Variants in TECRL observed in about 807,000 individuals in gnomAD.
The protein encoded by TECRL is trans-2,3-enoyl-CoA reductase-like.
In TECRL, 63 loss-of-function variants were observed where a neutral mutation model predicts 52.8. That is an observed-to-expected ratio of 1.19 (90% CI 0.97 to 1.47). The LOEUF is 1.47. TECRL is among the 40% of genes most tolerant of loss of function. The pLI is 0.00. For synonymous variants in TECRL, 164 were observed against 141.9 expected, an observed-to-expected ratio of 1.16 and a Z score of -1.10; for missense variants, 482 against 429.6, an observed-to-expected ratio of 1.12 and a Z score of -1.08.
chr4:64,402,456 A>G (rs994180653), intron 1 of TECRL, among the ~76,000 whole-genome samples: 1 of 151,988 alleles, frequency 6.6e-6, no homozygotes, highest in Non-Finnish European at 1.5e-5. Context: ...ACTCCTAACT[A>G]TTGGATTATA....
intron 2 of TECRL, among the ~76,000 whole-genome samples, chr4:64,344,621 T>C (rs1040447982): frequency 6.6e-6 from 1 of 152,300 alleles, no homozygotes; most frequent in Middle Eastern, 3.4e-3. Flanking sequence ...AAAGTGTAAT[T>C]TAAAATTAAG....
chr4:64,332,566 A>G (rs1304166787), intron 2 of TECRL, among the ~76,000 whole-genome samples: 1 of 152,228 alleles, frequency 6.6e-6, no homozygotes, highest in Non-Finnish European at 1.5e-5. Context: ...AAAAGGTATT[A>G]TAGAGATTCA....
intron 9 of TECRL, among the ~76,000 whole-genome samples, chr4:64,286,119 CA>C (rs1209341143): frequency 6.6e-6 from 1 of 151,724 alleles, no homozygotes; most frequent in African/African-American, 2.4e-5. Context: ...CATTTGCAGA[CA>C]AAAACTAACC....
chr4:64,407,446 A>T (rs1724805991), intron 1 of TECRL, among the ~76,000 whole-genome samples: 1 of 151,924 alleles, frequency 6.6e-6, no homozygotes, highest in African/African-American at 2.4e-5. Context: ...ATAAGAAAAA[A>T]TTTAAATGTG....
At chr4:64,295,259 T>C (rs1030268828) in intron 8 of TECRL, among the ~76,000 whole-genome samples, 1 of 151,354 alleles carries the variant, frequency 6.6e-6, no homozygotes, top group Non-Finnish European at 1.5e-5. Flanking sequence ...AGTTCAGATA[T>C]TGCATTTATA....
rs938958964 is a variant in TECRL at position 64,298,292 on chromosome 4, T to C, written c.774+1682A>G. On this transcript the variant is annotated intron_variant, in intron 8 of 11. Coordinates refer to ENST00000381210, the MANE Select transcript of TECRL (RefSeq NM_001010874.5). ...CTATTACACCATCTATCAGTGTTTG[T>C]CTAATTTAGCATCTTTGGGTTTATT... 4.6e-5 allele frequency among the ~76,000 whole-genome samples: 7 copies of C among 151,258 alleles called. No homozygotes were observed. In the East Asian group the frequency reaches 1.3e-3, roughly 29 times the overall value.
intron 1 of TECRL, among the ~76,000 whole-genome samples, chr4:64,388,824 G>A (rs1033693212): frequency 6.6e-5 from 10 of 151,728 alleles, no homozygotes; most frequent in Non-Finnish European, 1.2e-4. Flanking sequence ...TATAAATAAT[G>A]TGAATATGCA....
chr4:64,386,622 C>T (rs1723194113), intron 1 of TECRL, among the ~76,000 whole-genome samples: 1 of 152,018 alleles, frequency 6.6e-6, no homozygotes, highest in Non-Finnish European at 1.5e-5. Flanking sequence ...GTCTTTTAAG[C>T]TCTATTTTTA....
intron 1 of TECRL, among the ~76,000 whole-genome samples, chr4:64,398,005 A>G (rs576076328): frequency 1.4e-5 from 2 of 143,472 alleles, no homozygotes; most frequent in African/African-American, 2.5e-5. Flanking sequence ...TTCCCCAAAC[A>G]CTGTTTATAA....
chr4:64,381,972 T>C (rs1244143094), intron 1 of TECRL, among the ~76,000 whole-genome samples: 5 of 151,828 alleles, frequency 3.3e-5, no homozygotes, highest in Admixed American at 2.6e-4. Context: ...GAAGAATTCC[T>C]TTCTTTTAGA....
chr4:64,319,113 A>G (rs1156840400), intron 4 of TECRL, among the ~76,000 whole-genome samples: 1 of 151,860 alleles, frequency 6.6e-6, no homozygotes, highest in Non-Finnish European at 1.5e-5. Context: ...TTCACTCTGT[A>G]ATCTCTTTGG....
chr4:64,361,713 A>G (rs199870435), intron 2 of TECRL, among the ~76,000 whole-genome samples: 1 of 92,240 alleles, frequency 1.1e-5, no homozygotes, highest in Non-Finnish European at 2.3e-5. Flanking sequence ...AAAATTCCCT[A>G]TCTGAGAGAC....
chr4:64,368,826 A>ATC (rs376199761), intron 2 of TECRL, among the ~76,000 whole-genome samples: 22 of 152,128 alleles, frequency 1.4e-4, no homozygotes, highest in African/African-American at 5.3e-4. Flanking sequence ...TATGTGATAA[A>ATC]TCCTCCTGCT....
At chr4:64,390,139 A>G (rs1723450283) in intron 1 of TECRL, among the ~76,000 whole-genome samples, 1 of 151,884 alleles carries the variant, frequency 6.6e-6, no homozygotes. Flanking sequence ...AGGCAGCTAC[A>G]ATTATTCCAA....
intron 7 of TECRL, among the ~76,000 whole-genome samples, 163 bp from the exon 8 acceptor site, chr4:64,300,180 G>A (rs1401676396): frequency 6.7e-6 from 1 of 150,006 alleles, no homozygotes; most frequent in Non-Finnish European, 1.5e-5. Flanking sequence ...AATCTAAAGT[G>A]TTGACTTTTT....
chr4:64,311,783 G>A (rs1459345459), intron 5 of TECRL, among the ~76,000 whole-genome samples: 2 of 152,010 alleles, frequency 1.3e-5, no homozygotes, highest in African/African-American at 4.8e-5. Flanking sequence ...TAGTTTTTGT[G>A]GATTGCTAAA....
At chr4:64,302,897 C>A (rs886692213) in intron 7 of TECRL, among the ~76,000 whole-genome samples, 6 of 151,036 alleles carry the variant, frequency 4.0e-5, no homozygotes, top group African/African-American at 9.7e-5. Flanking sequence ...GTCATAGTTG[C>A]TCTTTAATTA....
chr4:64,331,683 A>G (rs1560505166), intron 2 of TECRL, among the ~76,000 whole-genome samples: 1 of 152,090 alleles, frequency 6.6e-6, no homozygotes, highest in South Asian at 2.1e-4. Context: ...TTGAGAAAAG[A>G]TCAAATAAAA....
intron 2 of TECRL, among the ~76,000 whole-genome samples, chr4:64,334,831 C>T (rs571910576): frequency 4.7e-4 from 72 of 152,290 alleles, no homozygotes; most frequent in African/African-American, 1.7e-3. Context: ...AGACAGATTG[C>T]AACCAAACTA....
Sources: allele counts gnomAD v4.1 joint callset (sites outside exome capture counted in the v4.1 genomes callset), GRCh38; gene constraint gnomAD v4.1.1; transcripts MANE v1.5; gene names NCBI Gene and HGNC (gene_info 2026-07-23, HGNC 2026-07-21).